The following AOPEP variants were observed in gnomAD, a reference collection of about 807,000 sequenced individuals.
AOPEP encodes aminopeptidase O.
In AOPEP, 77 loss-of-function variants were observed where a neutral mutation model predicts 98.1. The observed-to-expected ratio is 0.78, with a 90% CI of 0.65 to 0.95. The LOEUF (loss-of-function observed/expected upper bound fraction) is 0.95. Ranked by LOEUF, AOPEP falls within the 40% of genes least tolerant of loss-of-function variation. The pLI is 0.00. For synonymous variants in AOPEP, 346 were observed against 365.3 expected (o/e 0.95, Z 0.60); for missense variants, 1,024 against 1,024.7 (o/e 1.00, Z 0.01).
At chr9:94,823,917 T>C (rs944734584) in intron 5 of AOPEP, among the ~76,000 whole-genome samples, 2 of 152,136 alleles carry the variant, frequency 1.3e-5, no homozygotes, top group African/African-American at 4.8e-5. Context: ...TCACGTGACG[T>C]TGAATTGTAT....
rs368049020 is a variant in AOPEP at position 95,005,633 on chromosome 9, C to T, written c.2115+17C>T. 5.6e-6 allele frequency: 9 copies of T among 1,609,000 alleles called. No individual in the cohort carries two copies. Among genetic ancestry groups the T allele is most frequent in the African/African-American group, 1.3e-5 (1 of 74,792 alleles). On this transcript the variant is annotated intron_variant, in intron 13 of 16. Coordinates refer to ENST00000375315, the MANE Select transcript of AOPEP (RefSeq NM_001193329.3). ...TTTGAAAAGGTAGGGGTTCCCGAGA[C>T]GGTACTCGGTGCAGGTCTTGGTAAA... is the stretch of plus-strand genomic sequence containing the variant.
At chr9:94,869,797 T>C (rs963915390) in intron 5 of AOPEP, among the ~76,000 whole-genome samples, 2 of 152,096 alleles carry the variant, frequency 1.3e-5, no homozygotes, top group Non-Finnish European at 2.9e-5. Context: ...GATTTTTCCT[T>C]TAGGTAATCA....
chr9:95,133,028 C>T, the AOPEP span, among the ~76,000 whole-genome samples: 5 of 152,200 alleles, frequency 3.3e-5, no homozygotes, highest in Non-Finnish European at 5.9e-5. Context: ...TGGAGCACAG[C>T]GCAGCAGTCT....
At chr9:94,747,627 T>G (rs10512234) in intron 1 of AOPEP, among the ~76,000 whole-genome samples, 8,521 of 152,218 alleles carry the variant, frequency 0.056, 361 homozygotes, top group South Asian at 0.11. Context: ...AGATTAAAAT[T>G]TTACCAGAGA....
intron 7 of AOPEP, among the ~76,000 whole-genome samples, chr9:94,941,813 G>A (rs550332088): frequency 6.6e-6 from 1 of 152,106 alleles, no homozygotes; most frequent in Non-Finnish European, 1.5e-5. Flanking sequence ...ATAACATCTA[G>A]TAGGGTCCTT....
intron 13 of AOPEP, among the ~76,000 whole-genome samples, chr9:95,041,959 G>A (rs2065357768): frequency 6.6e-6 from 1 of 152,104 alleles, no homozygotes; most frequent in South Asian, 2.1e-4. Flanking sequence ...GAGGGAACGG[G>A]AAGAAACCTT....
intron 7 of AOPEP, among the ~76,000 whole-genome samples, chr9:94,951,241 C>T (rs2058080228): frequency 6.6e-6 from 1 of 152,188 alleles, no homozygotes; most frequent in South Asian, 2.1e-4. Context: ...TCCACATGAC[C>T]TGAGCCTCAC....
chr9:95,008,889 T>C (rs1185557969), intron 13 of AOPEP, among the ~76,000 whole-genome samples: 1 of 152,268 alleles, frequency 6.6e-6, no homozygotes, highest in Non-Finnish European at 1.5e-5. Context: ...CTGGTATGAC[T>C]GAATTCTTTT....
At chr9:95,054,520 CG>C (rs2066659382) in intron 13 of AOPEP, among the ~76,000 whole-genome samples, 1 of 152,090 alleles carries the variant, frequency 6.6e-6, no homozygotes, top group African/African-American at 2.4e-5. Context: ...AATAATAGCA[CG>C]GGAACATTTG....
At chr9:95,004,538 G>A (rs1168841758) in intron 11 of AOPEP, among the ~76,000 whole-genome samples, 1 of 152,142 alleles carries the variant, frequency 6.6e-6, no homozygotes, top group Non-Finnish European at 1.5e-5. Flanking sequence ...ACTCCACTAG[G>A]AAAGTTACTT....
intron 5 of AOPEP, among the ~76,000 whole-genome samples, chr9:94,901,416 T>TC (rs1468587989): frequency 6.6e-6 from 1 of 151,936 alleles, no homozygotes; most frequent in Non-Finnish European, 1.5e-5. Flanking sequence ...CATCCTTAAG[T>TC]CCCTGACACC....
At chr9:94,873,088 A>C (rs1299270194) in intron 5 of AOPEP, among the ~76,000 whole-genome samples, 4 of 152,188 alleles carry the variant, frequency 2.6e-5, no homozygotes, top group Non-Finnish European at 5.9e-5. Flanking sequence ...AGAAGGCAAC[A>C]AGGAAAGGGT....
chr9:94,922,459 G>C lies in AOPEP; in HGVS notation c.1365-1527G>C, dbSNP rs1229473964. Among the ~76,000 whole-genome samples the C allele has an allele frequency of 3.9e-5, 6 of 152,236 alleles. No homozygotes were observed. In the East Asian group the frequency reaches 9.6e-4, roughly 24 times the overall value. On this transcript the variant is annotated intron_variant, in intron 5 of 16. Transcript: ENST00000375315. The stretch of plus-strand genomic sequence containing the variant: ...CCCAAAGGGTGAACTGCTGCCAGCA[G>C]TATGTCTGGAATGTTATTTACTTGG...
At chr9:94,837,270 T>C (rs138993547) in intron 5 of AOPEP, among the ~76,000 whole-genome samples, 1,750 of 152,028 alleles carry the variant, frequency 0.012, 31 homozygotes, top group African/African-American at 0.039. Context: ...ATAAAAAAAA[T>C]TACCAACAAA....
At chr9:94,842,967 G>A (rs1024367880) in intron 5 of AOPEP, among the ~76,000 whole-genome samples, 2 of 152,028 alleles carry the variant, frequency 1.3e-5, no homozygotes, top group African/African-American at 4.8e-5. Context: ...ATTATGATTT[G>A]TCTTGGAATT....
intron 5 of AOPEP, among the ~76,000 whole-genome samples, chr9:94,837,873 C>T (rs982851281): frequency 2.0e-5 from 3 of 152,182 alleles, no homozygotes; most frequent in African/African-American, 7.2e-5. Flanking sequence ...CCCACTCTCA[C>T]CACTTCTATT....
At chr9:94,921,401 T>G (rs2053604366) in intron 5 of AOPEP, 1 of 152,236 alleles carries the variant, frequency 6.6e-6, no homozygotes, top group Non-Finnish European at 1.5e-5. Flanking sequence ...CATGGGTAGA[T>G]TACCTGTTGG....
chr9:94,761,540 C>T (rs1238656419), intron 2 of AOPEP, among the ~76,000 whole-genome samples: 1 of 152,156 alleles, frequency 6.6e-6, no homozygotes, highest in African/African-American at 2.4e-5. Flanking sequence ...TTAATTGAAG[C>T]AGTGGTCTTC....
chr9:94,954,393 T>C (rs1324272185), intron 7 of AOPEP, among the ~76,000 whole-genome samples: 1 of 152,204 alleles, frequency 6.6e-6, no homozygotes, highest in Non-Finnish European at 1.5e-5. Context: ...CTGGGCCACA[T>C]TGGAAGAAGA....
Sources: allele counts gnomAD v4.1 joint callset (sites outside exome capture counted in the v4.1 genomes callset), GRCh38; gene constraint gnomAD v4.1.1; transcripts MANE v1.5; gene names NCBI Gene and HGNC (gene_info 2026-07-23, HGNC 2026-07-21).